RORA: variants seen among roughly 807,000 people sequenced by gnomAD.
RORA encodes nuclear receptor ROR-alpha.
Under a neutral mutation model 69.5 loss-of-function variants are expected in RORA, and 7 were observed. The observed-to-expected ratio is 0.10, with a 90% CI of 0.06 to 0.19. The LOEUF (loss-of-function observed/expected upper bound fraction) is 0.19. Ranked by LOEUF, RORA falls within the 10% of genes least tolerant of loss-of-function variation. The pLI, the probability that RORA is intolerant of heterozygous loss-of-function variation, is 1.00. For synonymous variants in RORA, 261 were observed against 240.8 expected (o/e 1.08, Z -0.78); for missense variants, 457 against 663.0 (o/e 0.69, Z 3.41).
intron 1 of RORA, among the ~76,000 whole-genome samples, chr15:60,774,985 T>C (rs557036527): frequency 5.3e-5 from 8 of 152,248 alleles, no homozygotes; most frequent in Non-Finnish European, 1.0e-4. Flanking sequence ...TATGTTACTG[T>C]AACATTCGTT....
intron 1 of RORA, among the ~76,000 whole-genome samples, chr15:61,030,684 C>G (rs908387290): frequency 2.0e-5 from 3 of 152,018 alleles, no homozygotes; most frequent in Admixed American, 6.6e-5. Flanking sequence ...TGATTATGAA[C>G]AAAACAATGC....
chr15:60,802,308 C>A (rs1046419654), intron 1 of RORA, among the ~76,000 whole-genome samples: 1 of 152,218 alleles, frequency 6.6e-6, no homozygotes, highest in Non-Finnish European at 1.5e-5. Flanking sequence ...AGTGTTTGGG[C>A]TCCATTACAG....
At chr15:60,521,716 G>T (rs1024875177) in intron 3 of RORA, among the ~76,000 whole-genome samples, 3 of 152,178 alleles carry the variant, frequency 2.0e-5, no homozygotes, top group Non-Finnish European at 4.4e-5. Flanking sequence ...CTCTTGTCCT[G>T]ATTTTAAGTC....
chr15:61,089,671 C>T (rs1303964023), intron 1 of RORA, among the ~76,000 whole-genome samples: 1 of 152,186 alleles, frequency 6.6e-6, no homozygotes, highest in African/African-American at 2.4e-5. Context: ...TCAAGAAATT[C>T]TCCTTTAAAG....
At chr15:60,939,541 G>A (rs757859484) in intron 1 of RORA, among the ~76,000 whole-genome samples, 1 of 152,166 alleles carries the variant, frequency 6.6e-6, no homozygotes, top group Admixed American at 6.5e-5. Context: ...ACCACTATGC[G>A]ACCTGGAGCA....
intron 1 of RORA, among the ~76,000 whole-genome samples, chr15:61,115,834 A>G (rs2079045722): frequency 6.6e-6 from 1 of 152,218 alleles, no homozygotes; most frequent in Non-Finnish European, 1.5e-5. Context: ...GATGTAATGA[A>G]CAAGAGGAGG....
At chr15:60,979,438 T>C (rs1475873864) in intron 1 of RORA, among the ~76,000 whole-genome samples, 42 of 152,058 alleles carry the variant, frequency 2.8e-4, no homozygotes, top group Non-Finnish European at 2.9e-5. Context: ...TGTATATCAA[T>C]CAGGGGAGTA....
At chr15:60,773,797 T>A (rs562678419) in intron 1 of RORA, among the ~76,000 whole-genome samples, 2 of 152,094 alleles carry the variant, frequency 1.3e-5, no homozygotes, top group Admixed American at 6.6e-5. Flanking sequence ...TCTGGAAACA[T>A]CCAGAGCTAC....
At chr15:61,174,995 A>T (rs1447178585) in intron 1 of RORA, among the ~76,000 whole-genome samples, 1 of 152,208 alleles carries the variant, frequency 6.6e-6, no homozygotes, top group Admixed American at 6.5e-5. Flanking sequence ...CATGTTCTTA[A>T]CTATTCTACT....
chr15:60,648,811 G>T (rs1278819180), intron 2 of RORA, among the ~76,000 whole-genome samples: 1 of 152,132 alleles, frequency 6.6e-6, no homozygotes, highest in Non-Finnish European at 1.5e-5. Flanking sequence ...TCTTTTTGAG[G>T]GGGGAGAGGG....
chr15:60,863,813 T>C (rs2073457444), intron 1 of RORA, among the ~76,000 whole-genome samples: 1 of 151,568 alleles, frequency 6.6e-6, no homozygotes, highest in East Asian at 1.9e-4. Context: ...GAATCTTTTT[T>C]TTTTTTTTTT....
rs1379320769 is a variant in RORA at position 60,489,240 on chromosome 15, A to G, written c.*8215T>C. The G allele has an allele frequency of 6.6e-6, 1 of 152,258 alleles. No individual in the cohort carries two copies. Among genetic ancestry groups the G allele is most frequent in the Admixed American group, 6.5e-5 (1 of 15,290 alleles). 9.4% of individuals were successfully genotyped at this position (152,258 alleles called of 1,614,324 possible). On this transcript the variant is annotated 3_prime_UTR_variant, in exon 11 of 11. Transcript: ENST00000335670. ...ACTAGCATTAGCTCTCATTAACCAC[A>G]CAATTGCATTTATAATTAAGGTAAC...
At chr15:61,144,868 G>A (rs1295839499) in intron 1 of RORA, among the ~76,000 whole-genome samples, 1 of 152,130 alleles carries the variant, frequency 6.6e-6, no homozygotes, top group Non-Finnish European at 1.5e-5. Context: ...GAGTATGTCT[G>A]GAAGTGAAAG....
At chr15:60,522,934 G>C (rs6494207) in intron 3 of RORA, among the ~76,000 whole-genome samples, 42,928 of 151,084 alleles carry the variant, frequency 0.28, 6,887 homozygotes, top group African/African-American at 0.42. Context: ...GCCAAGCTTG[G>C]TGACAGGTGC....
At chr15:61,013,706 T>A (rs931201716) in intron 1 of RORA, among the ~76,000 whole-genome samples, 1 of 151,960 alleles carries the variant, frequency 6.6e-6, no homozygotes, top group African/African-American at 2.4e-5. Context: ...TTAATTAATG[T>A]ATAGTATACT....
chr15:60,780,724 G>A (rs560756234), intron 1 of RORA, among the ~76,000 whole-genome samples: 5 of 152,274 alleles, frequency 3.3e-5, no homozygotes, highest in South Asian at 2.1e-4. Context: ...ATCCACATCC[G>A]TGTAGCCATG....
chr15:61,209,715 G>A (rs1231147053), intron 1 of RORA, among the ~76,000 whole-genome samples: 1 of 152,208 alleles, frequency 6.6e-6, no homozygotes, highest in Admixed American at 6.5e-5. Context: ...TTGTACAGTT[G>A]TGCAGACCTC....
intron 2 of RORA, chr15:60,558,506 G>T: frequency 2.1e-6 from 1 of 473,484 alleles, no homozygotes; most frequent in African/African-American, 2.0e-5. Flanking sequence ...AACTAAGACT[G>T]GATTGTGGTT....
At chr15:60,629,184 A>ATTTTTT (rs2069670023) in intron 2 of RORA, among the ~76,000 whole-genome samples, 2 of 70,290 alleles carry the variant, frequency 2.8e-5, no homozygotes. Flanking sequence ...TTGACTGTTT[A>ATTTTTT]TTCTTTTTTT....
Sources: gnomAD v4.1 joint callset for allele counts (sites outside exome capture counted in the v4.1 genomes callset) on GRCh38, gnomAD v4.1.1 for gene constraint, MANE v1.5 for transcripts, NCBI Gene and HGNC (gene_info 2026-07-23, HGNC 2026-07-21) for gene names.